Variants in FRMD4B observed in about 807,000 individuals in gnomAD.
FRMD4B encodes FERM domain-containing protein 4B.
Under a neutral mutation model 141.5 loss-of-function variants are expected in FRMD4B, and 74 were observed. That is an observed-to-expected ratio of 0.52 (90% CI 0.43 to 0.63). FRMD4B has a LOEUF of 0.63. FRMD4B is among the 30% of genes least tolerant of loss of function. The pLI, the probability that FRMD4B is intolerant of heterozygous loss-of-function variation, is 0.00. For synonymous variants in FRMD4B, 506 were observed against 467.9 expected, an observed-to-expected ratio of 1.08 and a Z score of -1.05; for missense variants, 1,366 against 1,253.4, an observed-to-expected ratio of 1.09 and a Z score of -1.36.
In FRMD4B at chr3:69,314,071, G is replaced by A. The variant is rs373831813; in HGVS notation, c.163-554C>T. On this transcript the variant is annotated intron_variant, in intron 1 of 22. Coordinates refer to ENST00000398540, the MANE Select transcript of FRMD4B (RefSeq NM_015123.3). ...GGAGAATGGCGTGAACCCGGGAGGC[G>A]GAGCTTGCAGTGAGCCGAGATCGCG... 9.6e-3 allele frequency among the ~76,000 whole-genome samples: 1,280 copies of A among 133,910 alleles called. 12 individuals are homozygous for A. Among genetic ancestry groups the A allele is most frequent in the African/African-American group, 0.034 (1,171 of 34,480 alleles). The allele number at this position is 133,910 out of a possible 152,430, so 87.9% of individuals were successfully genotyped here. A position where few individuals can be genotyped will look rare whatever the true frequency, so the allele number is the denominator to read the frequency against.
intron 7 of FRMD4B, among the ~76,000 whole-genome samples, chr3:69,248,518 A>T (rs568700560): frequency 1.3e-5 from 2 of 152,356 alleles, no homozygotes; most frequent in South Asian, 4.1e-4. Context: ...ATCTGTAAAT[A>T]ATCTACGAGT....
intron 2 of FRMD4B, among the ~76,000 whole-genome samples, chr3:69,406,462 C>T (rs1379257343): frequency 6.6e-6 from 1 of 152,212 alleles, no homozygotes; most frequent in Non-Finnish European, 1.5e-5. Flanking sequence ...ATCCTCCCCA[C>T]CAACTGATCC....
intron 1 of FRMD4B, among the ~76,000 whole-genome samples, chr3:69,362,711 A>C (rs778991648): frequency 0.015 from 1,809 of 123,396 alleles, 24 homozygotes; most frequent in Non-Finnish European, 0.024. Flanking sequence ...CCCCCCCCCC[A>C]AAAAAACAAA....
At chr3:69,238,241 G>A (rs921821351) in intron 7 of FRMD4B, among the ~76,000 whole-genome samples, 2 of 152,134 alleles carry the variant, frequency 1.3e-5, no homozygotes, top group Non-Finnish European at 2.9e-5. Flanking sequence ...TACATACCTA[G>A]GAAAAAATCA....
At chr3:69,377,987 T>TG (rs1384351388) in intron 1 of FRMD4B, among the ~76,000 whole-genome samples, 3 of 150,706 alleles carry the variant, frequency 2.0e-5, no homozygotes, top group Admixed American at 2.0e-4. Flanking sequence ...ATTTTTTTTT[T>TG]TTTTTGTATT....
chr3:69,194,996 G>A (rs1048474396), intron 16 of FRMD4B, 26 bp downstream of exon 16: 1 of 1,602,286 alleles, frequency 6.2e-7, no homozygotes, highest in African/African-American at 1.3e-5. Context: ...ATGATTAATT[G>A]AAAGGCTCAG....
At chr3:69,533,907 G>A (rs544832194) in intron 1 of FRMD4B, among the ~76,000 whole-genome samples, 4 of 152,178 alleles carry the variant, frequency 2.6e-5, no homozygotes, top group South Asian at 2.1e-4. Context: ...ACATGATTAC[G>A]CATCTGGGAG....
At chr3:69,500,073 C>A (rs763838661) in intron 1 of FRMD4B, among the ~76,000 whole-genome samples, 13 of 152,220 alleles carry the variant, frequency 8.5e-5, no homozygotes, top group Non-Finnish European at 1.9e-4. Flanking sequence ...GACAGCCTGG[C>A]CACTTTGGCT....
Position 69,181,176 on chromosome 3 carries a change from G to A in FRMD4B, c.2574C>T (p.His858=), listed in dbSNP as rs780173818. The A allele has an allele frequency of 1.6e-5, 26 of 1,613,866 alleles. No homozygotes were observed. Among genetic ancestry groups the A allele is most frequent in the East Asian group, 4.5e-5 (2 of 44,896 alleles). The change falls in exon 21 of 23, where the codon CAC becomes CAT. Residue 858 remains histidine, a synonymous_variant. Coordinates refer to ENST00000398540, the MANE Select transcript of FRMD4B (RefSeq NM_015123.3). ...GGGGTACCCGGTCGACCTCATCTTCGTGAAAGGATCTGCTGTAGTCCCTCT... is the reference window on the plus strand; with the variant it reads ...GGGGTACCCGGTCGACCTCATCTTCATGAAAGGATCTGCTGTAGTCCCTCT... ...ERQRDYSRSF[H]EDEVDRVPHN...
chr3:69,184,595 G>A (rs2092745187), intron 19 of FRMD4B, among the ~76,000 whole-genome samples: 1 of 152,208 alleles, frequency 6.6e-6, no homozygotes, highest in African/African-American at 2.4e-5. Flanking sequence ...AAGTGAAATT[G>A]CTGGATAAAA....
At position 69,370,244 on chromosome 3, in the gene FRMD4B, C is replaced by CA. The variant is rs534392216; in HGVS notation, c.162+15583dup. Among the ~76,000 whole-genome samples the CA allele has an allele frequency of 2.9e-3, 429 of 150,336 alleles. 1 individual carries two copies. The highest frequency in any genetic ancestry group is 4.7e-3 in the Non-Finnish European group (316 of 67,526). On this transcript the variant is annotated intron_variant, in intron 1 of 22. Transcript: ENST00000398540. ...GATTAAAAAACGTACATAGAAATGC[C>CA]AAAAAAAAGAGAGCAAACGGTCTGA...
intron 21 of FRMD4B, among the ~76,000 whole-genome samples, chr3:69,179,751 AATTC>A (rs1399370793): frequency 6.6e-6 from 1 of 152,186 alleles, no homozygotes; most frequent in Admixed American, 6.5e-5. Context: ...GCAGTTTGAG[AATTC>A]ATTCATTTCT....
intron 2 of FRMD4B, among the ~76,000 whole-genome samples, chr3:69,413,638 A>G (rs1467161848): frequency 6.6e-6 from 1 of 152,118 alleles, no homozygotes; most frequent in Non-Finnish European, 1.5e-5. Context: ...AATATGCAAG[A>G]TGCTTGAATT....
intron 4 of FRMD4B, among the ~76,000 whole-genome samples, chr3:69,292,047 A>G (rs1180874367): frequency 2.6e-5 from 4 of 151,988 alleles, no homozygotes; most frequent in Non-Finnish European, 5.9e-5. Context: ...ACAGCTAGCA[A>G]GTAGTGGAGC....
Position 69,311,327 on chromosome 3 carries a change from G to C in FRMD4B, c.259C>G (p.Leu87Val), listed in dbSNP as rs1460176293. 1 of 1,602,910 alleles carries C rather than the reference G, an allele frequency of 6.2e-7. No individual in the cohort carries two copies. Among genetic ancestry groups the C allele is most frequent in the South Asian group, 1.1e-5 (1 of 90,536 alleles). Residue 87 changes from leucine (L) to valine (V), a missense_variant, in exon 3 of 23, where the codon CTA becomes GTA. Transcript: ENST00000398540. The stretch of plus-strand genomic sequence containing the variant: ...TTCAGGTTGAAATGTGAAGCCACTA[G>C]GTCCAGCAACTCTCTTGCTAGAAGT... ...PKLLARELLDLVASHFNLKEK... is the reference protein window; with the variant it reads ...PKLLARELLDVVASHFNLKEK...
chr3:69,506,761 C>T (rs1299579694), intron 1 of FRMD4B, among the ~76,000 whole-genome samples: 4 of 152,076 alleles, frequency 2.6e-5, no homozygotes, highest in Middle Eastern at 3.4e-3. Context: ...CCAGGCTGAT[C>T]CTGAACTCCT....
chr3:69,199,450 A>G (rs775059610), intron 11 of FRMD4B, among the ~76,000 whole-genome samples: 1 of 152,284 alleles, frequency 6.6e-6, no homozygotes, highest in Non-Finnish European at 1.5e-5. Context: ...ATGGAAAGAT[A>G]TTCAAAGGGA....
intron 1 of FRMD4B, among the ~76,000 whole-genome samples, chr3:69,539,106 G>A (rs914520279): frequency 6.6e-6 from 1 of 152,196 alleles, no homozygotes; most frequent in Non-Finnish European, 1.5e-5. Context: ...ATCACTTGCA[G>A]TATAAGCCTC....
chr3:69,486,423 T>G (rs891984926), intron 1 of FRMD4B, among the ~76,000 whole-genome samples: 1 of 141,102 alleles, frequency 7.1e-6, no homozygotes, highest in Non-Finnish European at 1.5e-5. Context: ...CTTATGCCTT[T>G]GCGTCCTTAT....
Sources: gnomAD v4.1 joint callset for allele counts (sites outside exome capture counted in the v4.1 genomes callset) on GRCh38, gnomAD v4.1.1 for gene constraint, MANE v1.5 for transcripts, NCBI Gene and HGNC (gene_info 2026-07-23, HGNC 2026-07-21) for gene names.